Variants in TTK observed in about 807,000 individuals in gnomAD.
TTK encodes dual specificity protein kinase TTK.
In TTK, 59 loss-of-function variants were observed where a neutral mutation model predicts 117.3. That is an observed-to-expected ratio of 0.50 (90% confidence interval 0.41 to 0.62). TTK has a LOEUF of 0.62. Ranked by LOEUF, TTK falls within the 20% of genes least tolerant of loss-of-function variation. TTK has a pLI of 0.00. For missense variants in TTK, 921 were observed against 989.4 expected (o/e 0.93, Z 0.93); for synonymous variants, 302 against 325.0 (o/e 0.93, Z 0.76).
At chr6:80,030,899 T>A (rs1442497208) in intron 13 of TTK, among the ~76,000 whole-genome samples, 2 of 151,898 alleles carry the variant, frequency 1.3e-5, no homozygotes, top group Non-Finnish European at 2.9e-5. Flanking sequence ...AATACAGATA[T>A]AGCCGGATGG....
At chr6:80,028,246 A>G (rs574874377) in intron 13 of TTK, among the ~76,000 whole-genome samples, 1 of 152,224 alleles carries the variant, frequency 6.6e-6, no homozygotes, top group African/African-American at 2.4e-5. Context: ...TCCAGTTTGA[A>G]TAGCTGGATA....
intron 1 of TTK, chr6:80,005,024 G>A (rs1766949867): frequency 6.6e-6 from 1 of 152,202 alleles, no homozygotes; most frequent in Non-Finnish European, 1.5e-5. Flanking sequence ...TGTTTTGGGG[G>A]TTAGAACTGG....
Position 80,042,120 on chromosome 6 carries a change from C to A in TTK, c.2492C>A (p.Thr831Asn). The part of the protein sequence containing the change: ...SPNSILKAAK[T>N]LYEHYSGGES... ...CAGATTTGTGTTTTTTAATTTCAGA[C>A]TTTATATGAACACTATAGTGGTGGT... The change falls in exon 22 of 22, where the codon ACT (threonine) becomes AAT (asparagine). Residue 831 changes from threonine to asparagine, a missense_variant and splice_region_variant. Thr to Asn is a moderately conservative substitution (Grantham distance 65). Transcript: ENST00000369798. 1 of 1,544,270 alleles carries A rather than the reference C, an allele frequency of 6.5e-7. No homozygotes were observed. The highest frequency in any genetic ancestry group is 8.7e-7 in the Non-Finnish European group (1 of 1,142,890).
chr6:80,009,625 T>C (rs146701342), intron 4 of TTK, among the ~76,000 whole-genome samples: 37 of 152,200 alleles, frequency 2.4e-4, no homozygotes, highest in African/African-American at 8.7e-4. Flanking sequence ...TAAATTGAGT[T>C]ATCTGTAAAA....
Position 80,023,078 on chromosome 6 carries a change from G to A in TTK, c.1257+606G>A, listed in dbSNP as rs556813593. ...TCAAGTAGGATACTAAAGAGCTATA[G>A]CTGCAGTTCATGGCCATAGTTTCCT... On this transcript the variant is annotated intron_variant, in intron 11 of 21. Transcript: ENST00000369798. Among the ~76,000 whole-genome samples the A allele has an allele frequency of 5.3e-5, 8 of 152,298 alleles. No individual in the cohort carries two copies. In the South Asian group the frequency reaches 1.7e-3, roughly 32 times the overall value.
At chr6:80,006,257 G>T (rs2127713760) in intron 2 of TTK, 1 of 381,900 alleles carries the variant, frequency 2.6e-6, no homozygotes, top group South Asian at 2.3e-5. Flanking sequence ...TCTTCTAAAA[G>T]TATTAGCTCA....
chr6:80,010,670 A>G lies in TTK; in HGVS notation c.470-144A>G, dbSNP rs77079118. 3.4e-3 allele frequency: 2,780 copies of G among 823,246 alleles called. 96 individuals are homozygous for G. In the East Asian group the frequency reaches 0.071, roughly 21 times the overall value. 51.0% of individuals were successfully genotyped at this position (823,246 alleles called of 1,614,324 possible). On this transcript the variant is annotated intron_variant, in intron 4 of 21. Transcript: ENST00000369798. ...GAGAGATTGCTTACTTGCCTATGAA[A>G]TAAAATACATGAGCCTTGGAATAAA... is the stretch of plus-strand genomic sequence containing the variant.
In TTK at chr6:80,042,132, A is replaced by G; in HGVS notation, c.2504A>G (p.His835Arg). 1.3e-6 allele frequency: 2 copies of G among 1,576,240 alleles called. No homozygotes were observed. Among genetic ancestry groups the G allele is most frequent in the Non-Finnish European group, 1.7e-6 (2 of 1,160,390 alleles). Residue 835 changes from histidine to arginine, a missense_variant, in exon 22 of 22, where the codon CAC becomes CGC. His to Arg is a conservative substitution (Grantham distance 29). Coordinates refer to ENST00000369798, the MANE Select transcript of TTK (RefSeq NM_003318.5). ...TTTTAATTTCAGACTTTATATGAAC[A>G]CTATAGTGGTGGTGAAAGTCATAAT... ...ILKAAKTLYE[H>R]YSGGESHNSS...
chr6:80,019,864 A>G (rs1056400736), intron 10 of TTK, among the ~76,000 whole-genome samples: 1 of 152,204 alleles, frequency 6.6e-6, no homozygotes, highest in Non-Finnish European at 1.5e-5. Flanking sequence ...CATTTGGTCA[A>G]TAAACTCAGA....
At chr6:80,028,745 T>C (rs935645000) in intron 13 of TTK, among the ~76,000 whole-genome samples, 1 of 152,230 alleles carries the variant, frequency 6.6e-6, no homozygotes, top group African/African-American at 2.4e-5. Context: ...ACTGCTAGAA[T>C]GTATTATACT....
chr6:80,007,703 C>A, intron 2 of TTK, 106 bp from the exon 3 acceptor site: 2 of 845,454 alleles, frequency 2.4e-6, no homozygotes, highest in Non-Finnish European at 3.6e-6. Context: ...ACTTTATGTA[C>A]ATTGATACTG....
Position 80,036,613 on chromosome 6 carries a change from T to G in TTK, c.2049+14T>G. 1 of 1,601,702 alleles carries G rather than the reference T, an allele frequency of 6.2e-7. No homozygotes were observed. Among genetic ancestry groups the G allele is most frequent in the Non-Finnish European group, 8.5e-7 (1 of 1,174,864 alleles). ...AAAGATTCTCAGGTAAGACTTAATG[T>G]TGGTTCTCTCACAGTAGAGTTCAAT... is the stretch of plus-strand genomic sequence containing the variant. On this transcript the variant is annotated intron_variant, in intron 17 of 21. Coordinates refer to ENST00000369798, the MANE Select transcript of TTK (RefSeq NM_003318.5).
At chr6:80,008,354 T>C (rs1172317821) in intron 3 of TTK, 32 bp from the exon 4 acceptor site, 4 of 1,585,000 alleles carry the variant, frequency 2.5e-6, no homozygotes, top group Non-Finnish European at 3.4e-6. Context: ...ATGTTCTTTT[T>C]CTTAAATTTT....
At chr6:80,014,033 A>G (rs1263683924) in intron 9 of TTK, among the ~76,000 whole-genome samples, 2 of 152,156 alleles carry the variant, frequency 1.3e-5, no homozygotes, top group Middle Eastern at 3.2e-3. Context: ...TGTGTCAAAA[A>G]GATTGTTCTC....
chr6:80,020,432 G>A (rs909674234), intron 10 of TTK, among the ~76,000 whole-genome samples: 1 of 152,086 alleles, frequency 6.6e-6, no homozygotes, highest in Non-Finnish European at 1.5e-5. Context: ...AGATAAAACA[G>A]TGAGTTTTAT....
At chr6:80,013,144 A>G (rs1331020262) in intron 8 of TTK, 135 bp from the exon 9 acceptor site, 1 of 709,286 alleles carries the variant, frequency 1.4e-6, no homozygotes, top group African/African-American at 1.9e-5. Context: ...GTCACTCTAA[A>G]AAATGTCTTT....
At chr6:80,007,724 T>A (rs780187488) in intron 2 of TTK, 85 bp from the exon 3 acceptor site, 15 of 1,121,080 alleles carry the variant, frequency 1.3e-5, no homozygotes, top group Non-Finnish European at 1.9e-5. Context: ...ACAGTACAAA[T>A]GTTTGACTAT....
intron 4 of TTK, 61 bp from the exon 5 acceptor site, chr6:80,010,753 G>A (rs756357626): frequency 2.3e-4 from 339 of 1,462,644 alleles, no homozygotes; most frequent in Non-Finnish European, 2.9e-4. Context: ...TACGTATCTG[G>A]GTGGTCTGGG....
chr6:80,011,548 G>C lies in TTK; in HGVS notation c.728G>C (p.Gly243Ala), dbSNP rs780864953. 1 of 1,596,540 alleles carries C rather than the reference G, an allele frequency of 6.3e-7. No individual in the cohort carries two copies. Among genetic ancestry groups the C allele is most frequent in the South Asian group, 1.1e-5 (1 of 87,146 alleles). The part of the protein sequence containing the change: ...GQTTKARFLY[G>A]ENMPPQDAEI... Reference sequence around the variant, plus strand: ...ACTACTAAAGCCAGGTTTTTATATGGGTAAGGAAACGGAAACAGTTTTTAA... The same window carrying C: ...ACTACTAAAGCCAGGTTTTTATATGCGTAAGGAAACGGAAACAGTTTTTAA... The change falls in exon 6 of 22, where the codon GGA becomes GCA. Residue 243 changes from glycine (G) to alanine (A), a missense_variant and splice_region_variant. Transcript: ENST00000369798.
Sources: gnomAD v4.1 joint callset for allele counts (sites outside exome capture counted in the v4.1 genomes callset) on GRCh38, gnomAD v4.1.1 for gene constraint, MANE v1.5 for transcripts, NCBI Gene and HGNC (gene_info 2026-07-23, HGNC 2026-07-21) for gene names.